Variants in CMIP observed in about 807,000 individuals in gnomAD.
CMIP encodes C-Maf-inducing protein.
In CMIP, 13 loss-of-function variants were observed where a neutral mutation model predicts 97.3. The ratio of observed to expected loss-of-function variants is 0.13; its 90% CI spans 0.09 to 0.21. The LOEUF is 0.21. CMIP is among the 10% of genes least tolerant of loss of function. The pLI is 1.00. For synonymous variants in CMIP, 538 were observed against 436.3 expected (o/e 1.23, Z -2.91); for missense variants, 847 against 1,024.9 (o/e 0.83, Z 2.37).
chr16:81,644,491 G>A (rs983420258), intron 3 of CMIP, among the ~76,000 whole-genome samples: 1 of 152,206 alleles, frequency 6.6e-6, no homozygotes, highest in Non-Finnish European at 1.5e-5. Context: ...CAGTTTGGGG[G>A]TAACACCCAT....
At chr16:81,632,707 A>G (rs1453511573) in intron 3 of CMIP, among the ~76,000 whole-genome samples, 1 of 152,232 alleles carries the variant, frequency 6.6e-6, no homozygotes, top group Non-Finnish European at 1.5e-5. Context: ...TCCAGGGACC[A>G]GGGTGGAGTG....
At chr16:81,565,578 C>A (rs2090965235) in intron 1 of CMIP, among the ~76,000 whole-genome samples, 1 of 152,192 alleles carries the variant, frequency 6.6e-6, no homozygotes. Context: ...CAGGCAGATG[C>A]TGACTTCTGG....
At chr16:81,599,980 A>C (rs2091630212) in intron 1 of CMIP, among the ~76,000 whole-genome samples, 1 of 152,232 alleles carries the variant, frequency 6.6e-6, no homozygotes, top group Non-Finnish European at 1.5e-5. Flanking sequence ...TCCTTCTGTC[A>C]TCATTAAAAA....
Position 81,696,614 on chromosome 16 carries a change from T to A in CMIP, c.1585T>A (p.Tyr529Asn). 6.2e-7 allele frequency: 1 copy of A among 1,607,268 alleles called. No individual in the cohort carries two copies. The highest frequency in any genetic ancestry group is 8.5e-7 in the Non-Finnish European group (1 of 1,179,852). The part of the protein sequence containing the change: ...RAGKDGWFQL[Y>N]SPGGVACDDD... ...CGGCAAAGATGGCTGGTTCCAGCTC[T>A]ACAGCCCCGGAGGGGTGGCCTGCGA... The change falls in exon 14 of 21, where the codon TAC becomes AAC. Residue 529 changes from tyrosine (Y) to asparagine (N), a missense_variant. Around this residue, in one of 4 missense-constraint regions of CMIP, gnomAD observed 266 missense variants for 384.2 expected, o/e 0.69. Transcript: ENST00000537098.
In CMIP at chr16:81,660,889, C is replaced by A. The variant is rs780410274; in HGVS notation, c.687C>A (p.Ile229=). The part of the protein sequence containing the change: ...TQEHENIIVA[I]APLLENNHPP... ...GCTTGTTTGTTGTGTTTCAGGCAAT[C>A]GCTCCTTTGCTGGAAAACAACCACC... is the stretch of plus-strand genomic sequence containing the variant. The change falls in exon 6 of 21, where the codon ATC becomes ATA. Residue 229 remains isoleucine, a synonymous_variant. Coordinates refer to ENST00000537098, the MANE Select transcript of CMIP (RefSeq NM_198390.3). 5 of 1,613,954 alleles carry A rather than the reference C, an allele frequency of 3.1e-6. No homozygotes were observed. The highest frequency in any genetic ancestry group is 2.2e-5 in the East Asian group (1 of 44,888).
intron 1 of CMIP, among the ~76,000 whole-genome samples, chr16:81,566,985 A>C (rs1015741936): frequency 6.6e-6 from 1 of 152,250 alleles, no homozygotes; most frequent in African/African-American, 2.4e-5. Flanking sequence ...GGGAATTGCC[A>C]AGAAGGGACA....
At chr16:81,563,241 G>A (rs1407451951) in intron 1 of CMIP, among the ~76,000 whole-genome samples, 1 of 152,236 alleles carries the variant, frequency 6.6e-6, no homozygotes, top group Non-Finnish European at 1.5e-5. Flanking sequence ...TGAGAATACA[G>A]CAAAGCCTCA....
At chr16:81,466,368 C>G (rs554125332) in intron 1 of CMIP, among the ~76,000 whole-genome samples, 1 of 152,334 alleles carries the variant, frequency 6.6e-6, no homozygotes, top group East Asian at 1.9e-4. Flanking sequence ...GCCTCTTTCC[C>G]TTTTTAAAAA....
At chr16:81,645,736 G>A (rs2092357397) in intron 3 of CMIP, 2 of 971,840 alleles carry the variant, frequency 2.1e-6, no homozygotes, top group African/African-American at 1.6e-5. Context: ...GATGTGGGGA[G>A]CCCTCCTGAG....
At chr16:81,695,720 C>G (rs1302971759) in intron 13 of CMIP, 1 of 152,332 alleles carries the variant, frequency 6.6e-6, no homozygotes, top group African/African-American at 2.4e-5. Flanking sequence ...CCCATACACA[C>G]ACACACGTGT....
intron 1 of CMIP, among the ~76,000 whole-genome samples, chr16:81,602,961 C>T (rs2091681794): frequency 6.6e-6 from 1 of 152,224 alleles, no homozygotes; most frequent in Non-Finnish European, 1.5e-5. Context: ...TAGCTCATAT[C>T]TGAGCCCAAG....
chr16:81,639,125 C>CTA (rs1214933317), intron 3 of CMIP, among the ~76,000 whole-genome samples: 1 of 152,170 alleles, frequency 6.6e-6, no homozygotes, highest in Non-Finnish European at 1.5e-5. Flanking sequence ...ATCCTGGTTC[C>CTA]TACAGGGCCG....
intron 19 of CMIP, among the ~76,000 whole-genome samples, chr16:81,706,322 C>T (rs1908133078): frequency 1.3e-5 from 2 of 152,072 alleles, no homozygotes; most frequent in South Asian, 4.1e-4. Flanking sequence ...TGGGAGTTGG[C>T]CAAGGGGGAG....
At chr16:81,475,800 A>T (rs1409611327) in intron 1 of CMIP, among the ~76,000 whole-genome samples, 1 of 152,152 alleles carries the variant, frequency 6.6e-6, no homozygotes, top group East Asian at 1.9e-4. Context: ...CCTGGCTAAC[A>T]CGGTGAAATC....
At chr16:81,602,091 T>C (rs908362557) in intron 1 of CMIP, among the ~76,000 whole-genome samples, 2 of 152,032 alleles carry the variant, frequency 1.3e-5, no homozygotes, top group Non-Finnish European at 2.9e-5. Flanking sequence ...CACTGCGGAG[T>C]TGTGCATGGC....
chr16:81,495,504 C>T (rs375737885), intron 1 of CMIP: 2 of 1,612,560 alleles, frequency 1.2e-6, no homozygotes, highest in Non-Finnish European at 1.7e-6. Flanking sequence ...GGTACAGTCC[C>T]ATGTGGGGAA....
chr16:81,610,097 G>A (rs888187497), intron 2 of CMIP, among the ~76,000 whole-genome samples: 1 of 152,180 alleles, frequency 6.6e-6, no homozygotes, highest in African/African-American at 2.4e-5. Flanking sequence ...ACCAGCAAAG[G>A]GGCCTCATTC....
chr16:81,538,246 C>T (rs2090383497), intron 1 of CMIP, among the ~76,000 whole-genome samples: 1 of 152,226 alleles, frequency 6.6e-6, no homozygotes, highest in Non-Finnish European at 1.5e-5. Flanking sequence ...CACCCATAAG[C>T]ATGGGCTGCC....
At chr16:81,704,845 C>T (rs1487211651) in intron 18 of CMIP, among the ~76,000 whole-genome samples, 1 of 150,840 alleles carries the variant, frequency 6.6e-6, no homozygotes, top group African/African-American at 2.4e-5. Flanking sequence ...CCTCATGAAG[C>T]CCTGCAGCCC....
Sources: allele counts gnomAD v4.1 joint callset (sites outside exome capture counted in the v4.1 genomes callset), GRCh38; gene constraint gnomAD v4.1.1; regional missense constraint gnomAD v4.1.1; transcripts MANE v1.5; gene names NCBI Gene and HGNC (gene_info 2026-07-23, HGNC 2026-07-21).